MAP4K5: variants seen among roughly 807,000 people sequenced by gnomAD.
MAP4K5 encodes the protein mitogen-activated protein kinase kinase kinase kinase 5, also known as MAPK/ERK kinase kinase kinase 5.
A neutral mutation model predicts 135.6 loss-of-function variants in MAP4K5; 82 were observed. That is an observed-to-expected ratio of 0.60 (90% CI 0.51 to 0.73). The LOEUF is 0.73. Among genes scored for constraint, MAP4K5 ranks in the 30% least tolerant of loss-of-function variants. The probability of loss-of-function intolerance (pLI) is 0.00; values close to 1 mark genes in which losing one functional copy is unlikely to be tolerated. For missense variants in MAP4K5, 907 were observed against 1,010.9 expected (o/e 0.90, Z 1.39); for synonymous variants, 347 against 335.0 (o/e 1.04, Z -0.39).
At chr14:50,467,312 TAACA>T (rs1472012401) in intron 10 of MAP4K5, among the ~76,000 whole-genome samples, 1 of 152,004 alleles carries the variant, frequency 6.6e-6, no homozygotes. Context: ...TTTTTTAGCA[TAACA>T]AATACATTTT....
intron 26 of MAP4K5, among the ~76,000 whole-genome samples, chr14:50,435,726 A>G (rs76016965): frequency 0.027 from 4,180 of 152,176 alleles, 76 homozygotes; most frequent in East Asian, 0.065. Flanking sequence ...CAGTGTACAG[A>G]TGTCTACTTA....
At chr14:50,544,225 T>C (rs977668353) in intron 1 of MAP4K5, among the ~76,000 whole-genome samples, 1 of 152,210 alleles carries the variant, frequency 6.6e-6, no homozygotes, top group Non-Finnish European at 1.5e-5. Flanking sequence ...CCCCACCAGA[T>C]GAGGTATGAG....
intron 30 of MAP4K5, among the ~76,000 whole-genome samples, chr14:50,428,153 A>G (rs1213970490): frequency 6.6e-6 from 1 of 152,248 alleles, no homozygotes; most frequent in African/African-American, 2.4e-5. Context: ...TTTACATTAA[A>G]ATTTGAATTA....
intron 32 of MAP4K5, 99 bp from the exon 33 acceptor site, chr14:50,420,205 A>G: frequency 1.3e-6 from 1 of 741,684 alleles, no homozygotes; most frequent in Non-Finnish European, 2.4e-6. Context: ...TTCACATTTC[A>G]GTAAGATTAC....
At chr14:50,503,262 T>A (rs1049238031) in intron 3 of MAP4K5, among the ~76,000 whole-genome samples, 5 of 152,110 alleles carry the variant, frequency 3.3e-5, no homozygotes, top group South Asian at 4.1e-4. Context: ...ACCAAAAAAA[T>A]TTTTAAATGG....
upstream of MAP4K5, among the ~76,000 whole-genome samples, chr14:50,535,913 T>G (rs2038485550): frequency 6.6e-6 from 1 of 152,210 alleles, no homozygotes; most frequent in African/African-American, 2.4e-5. Context: ...CATGCTGTTT[T>G]CATGATAGTG....
At chr14:50,456,651 G>T in intron 13 of MAP4K5, 57 bp from the exon 14 acceptor site, 1 of 1,070,184 alleles carries the variant, frequency 9.3e-7, no homozygotes. Flanking sequence ...AAAGTTAAAA[G>T]GTCAAACTTT....
chr14:50,464,051 C>A lies in MAP4K5; in HGVS notation c.819+1G>T. Reference sequence around the variant, plus strand: ...GACCCCTCGTAATTTCAATGACTTACAGTCAGAAGTCTTTCAGCAGTTGGT... The same window carrying A: ...GACCCCTCGTAATTTCAATGACTTAAAGTCAGAAGTCTTTCAGCAGTTGGT... On this transcript the variant is annotated splice_donor_variant, in intron 12 of 32. Coordinates refer to ENST00000682126, the MANE Select transcript of MAP4K5 (RefSeq NM_006575.6). LOFTEE classifies it high-confidence loss of function. 6.6e-7 allele frequency: 1 copy of A among 1,519,012 alleles called. No homozygotes were observed. Among genetic ancestry groups the A allele is most frequent in the Non-Finnish European group, 8.9e-7 (1 of 1,117,514 alleles). The allele number at this position is 1,519,012 out of a possible 1,614,324, so 94.1% of individuals were successfully genotyped here. A position where few individuals can be genotyped will look rare whatever the true frequency, so the allele number is the denominator to read the frequency against.
intron 5 of MAP4K5, chr14:50,482,983 A>C (rs1485984568): frequency 6.5e-6 from 1 of 152,734 alleles, no homozygotes; most frequent in African/African-American, 2.4e-5. Context: ...CCTTGAAAAT[A>C]TTAAGCACTC....
intron 3 of MAP4K5, among the ~76,000 whole-genome samples, chr14:50,489,098 G>T (rs557170389): frequency 5.5e-4 from 84 of 152,208 alleles, no homozygotes; most frequent in Admixed American, 3.2e-3. Flanking sequence ...ACTGAGATGT[G>T]GCATAAAATC....
At chr14:50,501,784 G>C (rs1421618101) in intron 3 of MAP4K5, among the ~76,000 whole-genome samples, 1 of 152,042 alleles carries the variant, frequency 6.6e-6, no homozygotes, top group Admixed American at 6.6e-5. Context: ...ACAATAGTAA[G>C]GGAAAGACTG....
At chr14:50,479,883 T>G (rs1045322610) in intron 6 of MAP4K5, among the ~76,000 whole-genome samples, 4 of 152,198 alleles carry the variant, frequency 2.6e-5, no homozygotes, top group African/African-American at 9.6e-5. Flanking sequence ...TACTGTGGCC[T>G]GAAAACTTTC....
In MAP4K5 at chr14:50,448,784, C is replaced by T. The variant is rs755606868; in HGVS notation, c.1064G>A (p.Arg355Gln). The change falls in exon 15 of 33, where the codon CGA (arginine) becomes CAA (glutamine). Residue 355 changes from arginine (R) to glutamine (Q), a missense_variant. By Grantham distance (43) the Arg-to-Gln change is conservative. Transcript: ENST00000682126. ...EPPLRKETEA[R>Q]DEMGLSSDPN... Reference sequence around the variant, plus strand: ...AAAATGAATTCTTACCATTTCATCTCGTGCTTCTGTTTCTTTTCTCAGAGG... The same window carrying T: ...AAAATGAATTCTTACCATTTCATCTTGTGCTTCTGTTTCTTTTCTCAGAGG... 2 of 1,561,592 alleles carry T rather than the reference C, an allele frequency of 1.3e-6. No homozygotes were observed. The highest frequency in any genetic ancestry group is 1.7e-6 in the Non-Finnish European group (2 of 1,148,872).
chr14:50,421,212 T>G (rs1222222944), intron 32 of MAP4K5, among the ~76,000 whole-genome samples: 1 of 152,158 alleles, frequency 6.6e-6, no homozygotes, highest in Non-Finnish European at 1.5e-5. Context: ...AGTTTTTTTT[T>G]CCTAGACACA....
intron 9 of MAP4K5, among the ~76,000 whole-genome samples, chr14:50,471,447 T>A (rs1215691809): frequency 6.6e-6 from 1 of 152,050 alleles, no homozygotes; most frequent in East Asian, 1.9e-4. Context: ...AACATTTAAA[T>A]TTTCCTATTT....
At chr14:50,552,525 G>GT (rs1314668115) in intron 1 of MAP4K5, among the ~76,000 whole-genome samples, 2 of 151,980 alleles carry the variant, frequency 1.3e-5, no homozygotes, top group East Asian at 3.9e-4. Context: ...CCTAAAATTT[G>GT]TATGGAACCA....
intron 2 of MAP4K5, among the ~76,000 whole-genome samples, chr14:50,510,084 T>C (rs1293259614): frequency 6.6e-6 from 1 of 152,204 alleles, no homozygotes; most frequent in Non-Finnish European, 1.5e-5. Context: ...CAATTCATTA[T>C]GCCAAGCAAA....
chr14:50,513,465 G>A (rs957190543), intron 2 of MAP4K5, among the ~76,000 whole-genome samples: 1 of 151,982 alleles, frequency 6.6e-6, no homozygotes. Context: ...AAAAGTTAAT[G>A]AAGAAAAGTC....
At chr14:50,440,279 G>T in intron 22 of MAP4K5, 83 bp downstream of exon 22, 2 of 916,036 alleles carry the variant, frequency 2.2e-6, no homozygotes, top group East Asian at 2.7e-5. Context: ...TAAAATTGGG[G>T]CCTACACAGA....
Sources: gnomAD v4.1 joint callset for allele counts (sites outside exome capture counted in the v4.1 genomes callset) on GRCh38, gnomAD v4.1.1 for gene constraint, MANE v1.5 for transcripts, NCBI Gene and HGNC (gene_info 2026-07-23, HGNC 2026-07-21) for gene names.